TENM3: variants seen among roughly 807,000 people sequenced by gnomAD.
TENM3 encodes teneurin transmembrane protein 3.
In TENM3, 63 loss-of-function variants were observed where a neutral mutation model predicts 255.1. That is an observed-to-expected ratio of 0.25 (90% CI 0.20 to 0.30). TENM3 has a LOEUF of 0.30. TENM3 is among the 10% of genes least tolerant of loss of function. TENM3 has a pLI of 1.00. For missense variants in TENM3, 2,929 were observed against 3,461.1 expected (o/e 0.85, Z 3.86); for synonymous variants, 1,306 against 1,322.3 (o/e 0.99, Z 0.27).
At chr4:181,485,636 G>A in the TENM3 span, among the ~76,000 whole-genome samples, 3 of 152,024 alleles carry the variant, frequency 2.0e-5, no homozygotes, top group African/African-American at 7.2e-5. Context: ...ATTCTAGGTA[G>A]GTAATACGGA....
the TENM3 span, among the ~76,000 whole-genome samples, chr4:181,936,189 C>T: frequency 2.0e-5 from 3 of 151,964 alleles, no homozygotes; most frequent in Non-Finnish European, 4.4e-5. Context: ...GTCAGGAGTT[C>T]GAGACCAGCC....
intron 1 of TENM3, among the ~76,000 whole-genome samples, chr4:182,186,956 G>A (rs1052457373): frequency 4.0e-5 from 6 of 150,754 alleles, no homozygotes; most frequent in Non-Finnish European, 7.4e-5. Context: ...AATGTAATTA[G>A]TTCAGTTTTA....
the TENM3 span, among the ~76,000 whole-genome samples, chr4:181,770,490 G>T: frequency 2.0e-5 from 3 of 151,968 alleles, no homozygotes; most frequent in Admixed American, 6.6e-5. Context: ...CTGGCTAACA[G>T]GGTGAAACCC....
intron 4 of TENM3, among the ~76,000 whole-genome samples, chr4:182,603,492 A>C (rs1021582552): frequency 1.3e-5 from 2 of 152,124 alleles, no homozygotes; most frequent in South Asian, 2.1e-4. Context: ...TTCAACTTGC[A>C]GTACTCAGTG....
At chr4:181,511,319 G>A in the TENM3 span, among the ~76,000 whole-genome samples, 1 of 152,252 alleles carries the variant, frequency 6.6e-6, no homozygotes, top group Admixed American at 6.5e-5. Flanking sequence ...GCAGACATTT[G>A]GAATCTTTCT....
At chr4:182,262,085 C>T (rs939234336) in intron 1 of TENM3, among the ~76,000 whole-genome samples, 3 of 152,024 alleles carry the variant, frequency 2.0e-5, no homozygotes, top group Admixed American at 1.3e-4. Context: ...ACTCTGTTTC[C>T]GGATATGGAT....
At chr4:182,561,976 A>G (rs1421072635) in intron 3 of TENM3, among the ~76,000 whole-genome samples, 1 of 142,578 alleles carries the variant, frequency 7.0e-6, no homozygotes, top group Non-Finnish European at 1.5e-5. Context: ...ATCCAGATAG[A>G]TAGATAGACA....
At chr4:182,074,147 G>T in the TENM3 span, among the ~76,000 whole-genome samples, 2 of 152,142 alleles carry the variant, frequency 1.3e-5, no homozygotes, top group Non-Finnish European at 2.9e-5. Context: ...TGCTTTACAA[G>T]GGCCAAATCA....
chr4:181,935,193 A>G, the TENM3 span, among the ~76,000 whole-genome samples: 3 of 152,358 alleles, frequency 2.0e-5, no homozygotes, highest in African/African-American at 7.2e-5. Flanking sequence ...CTGTATCTCT[A>G]TGGAACTAAA....
chr4:182,098,944 T>A, the TENM3 span, among the ~76,000 whole-genome samples: 1 of 150,650 alleles, frequency 6.6e-6, no homozygotes, highest in Non-Finnish European at 1.5e-5. Context: ...CTCATAAATA[T>A]GTGCACAACT....
At chr4:182,075,391 G>C in the TENM3 span, among the ~76,000 whole-genome samples, 3 of 151,760 alleles carry the variant, frequency 2.0e-5, no homozygotes, top group African/African-American at 7.3e-5. Flanking sequence ...GTAGAGACGG[G>C]GTTTCACCAT....
intron 2 of TENM3, among the ~76,000 whole-genome samples, chr4:182,336,740 A>AT (rs1242224544): frequency 6.6e-6 from 1 of 151,976 alleles, no homozygotes; most frequent in Non-Finnish European, 1.5e-5. Context: ...CTTTTGATTT[A>AT]TTTTAGGGAT....
At chr4:182,059,746 AAAAAAAAAAAAAAAAAG>A in the TENM3 span, among the ~76,000 whole-genome samples, 2 of 86,214 alleles carry the variant, frequency 2.3e-5, no homozygotes, top group African/African-American at 1.2e-4. Flanking sequence ...CTGTCTCTAC[AAAAAAAAAAAAAAAAAG>A]AAAAAAAAAA....
At chr4:182,697,402 C>G (rs1180484792) in intron 12 of TENM3, among the ~76,000 whole-genome samples, 1 of 152,144 alleles carries the variant, frequency 6.6e-6, no homozygotes, top group Non-Finnish European at 1.5e-5. Flanking sequence ...CTAAACTGAC[C>G]TGATTGGCGC....
the TENM3 span, among the ~76,000 whole-genome samples, chr4:182,134,927 G>T: frequency 6.6e-6 from 1 of 151,996 alleles, no homozygotes; most frequent in African/African-American, 2.4e-5. Context: ...CCAAAGTTTG[G>T]CCAGGTGCAG....
At chr4:181,632,911 A>G in the TENM3 span, among the ~76,000 whole-genome samples, 1 of 152,318 alleles carries the variant, frequency 6.6e-6, no homozygotes. Context: ...CCTATAACCA[A>G]TTAAAATAAG....
Position 182,587,922 on chromosome 4 carries a change from TTAATA to T in TENM3, c.512-12998_512-12994del, listed in dbSNP as rs535135925. Among the ~76,000 whole-genome samples, 418 of 152,262 alleles carry T rather than the reference TTAATA, an allele frequency of 2.7e-3. 1 individual carries two copies. Among genetic ancestry groups the T allele is most frequent in the African/African-American group, 9.2e-3 (382 of 41,560 alleles). On this transcript the variant is annotated intron_variant, in intron 3 of 27. Transcript: ENST00000511685. ...AATAAAGGTATTATTTTTAATGTCT[TTAATA>T]TAAGATAGTATGGTAGGGTATTTTA...
the TENM3 span, among the ~76,000 whole-genome samples, chr4:181,669,897 A>C: frequency 6.6e-6 from 1 of 152,232 alleles, no homozygotes; most frequent in African/African-American, 2.4e-5. Flanking sequence ...CCAGCACATC[A>C]GCAACAGGTT....
chr4:182,304,346 G>A (rs1460567704), intron 1 of TENM3, among the ~76,000 whole-genome samples: 1 of 152,014 alleles, frequency 6.6e-6, no homozygotes, highest in African/African-American at 2.4e-5. Context: ...TCAAGTAGCT[G>A]AGATTACAGG....
Sources: allele counts gnomAD v4.1 joint callset (sites outside exome capture counted in the v4.1 genomes callset), GRCh38; gene constraint gnomAD v4.1.1; transcripts MANE v1.5; gene names NCBI Gene and HGNC (gene_info 2026-07-23, HGNC 2026-07-21).